RCAN2: variants seen among roughly 807,000 people sequenced by gnomAD.
The protein encoded by RCAN2 is calcipressin-2.
Under a neutral mutation model 23.6 loss-of-function variants are expected in RCAN2, and 9 were observed. The ratio of observed to expected loss-of-function variants is 0.38; its 90% CI spans 0.23 to 0.67. The LOEUF (loss-of-function observed/expected upper bound fraction) is 0.67, where lower values mean the gene tolerates loss of function less well. RCAN2 is among the 30% of genes least tolerant of loss of function. The probability of loss-of-function intolerance (pLI) is 0.51; values close to 1 mark genes in which losing one functional copy is unlikely to be tolerated. For missense variants in RCAN2, 273 were observed against 302.3 expected, an observed-to-expected ratio of 0.90 and a Z score of 0.72; for synonymous variants, 109 against 115.7, an observed-to-expected ratio of 0.94 and a Z score of 0.37.
intron 2 of RCAN2, among the ~76,000 whole-genome samples, chr6:46,294,272 T>C (rs1762651554): frequency 6.6e-6 from 1 of 152,218 alleles, no homozygotes; most frequent in Admixed American, 6.5e-5. Context: ...AGAAATTTAA[T>C]TATTCATTTA....
intron 2 of RCAN2, among the ~76,000 whole-genome samples, chr6:46,310,907 G>A (rs1310236370): frequency 6.6e-6 from 1 of 152,178 alleles, no homozygotes; most frequent in Non-Finnish European, 1.5e-5. Flanking sequence ...TAGCAGAACT[G>A]CTGTGTCTTT....
At chr6:46,244,954 A>C (rs906947430) in intron 4 of RCAN2, among the ~76,000 whole-genome samples, 1 of 152,216 alleles carries the variant, frequency 6.6e-6, no homozygotes, top group African/African-American at 2.4e-5. Context: ...TTGTTTCTGC[A>C]ATGTCCTGAA....
chr6:46,299,411 A>G (rs2150350078), intron 2 of RCAN2, among the ~76,000 whole-genome samples: 1 of 152,126 alleles, frequency 6.6e-6, no homozygotes, highest in East Asian at 1.9e-4. Context: ...AGCAGAGATG[A>G]CTGATTTATG....
intron 2 of RCAN2, among the ~76,000 whole-genome samples, chr6:46,405,598 C>A (rs899152447): frequency 2.6e-5 from 4 of 152,222 alleles, no homozygotes; most frequent in African/African-American, 9.6e-5. Flanking sequence ...GGTGCACTCA[C>A]AAACCTTGAG....
chr6:46,457,498 G>A (rs1384522589), intron 1 of RCAN2, among the ~76,000 whole-genome samples: 3 of 152,182 alleles, frequency 2.0e-5, no homozygotes, highest in Admixed American at 1.3e-4. Context: ...AGGGAAACTG[G>A]CACCAGAGCT....
intron 2 of RCAN2, among the ~76,000 whole-genome samples, chr6:46,380,045 G>C (rs1476917084): frequency 6.6e-6 from 1 of 152,138 alleles, no homozygotes; most frequent in Non-Finnish European, 1.5e-5. Context: ...GTTTTTTGCA[G>C]CATCAAAAGC....
At chr6:46,344,638 G>A (rs1053927084) in intron 2 of RCAN2, among the ~76,000 whole-genome samples, 1 of 151,896 alleles carries the variant, frequency 6.6e-6, no homozygotes, top group Non-Finnish European at 1.5e-5. Flanking sequence ...TTAGTTTAAG[G>A]CATACTATAA....
At chr6:46,417,054 G>T (rs1561897215) in intron 2 of RCAN2, among the ~76,000 whole-genome samples, 1 of 152,150 alleles carries the variant, frequency 6.6e-6, no homozygotes, top group Non-Finnish European at 1.5e-5. Flanking sequence ...TCACTGTGAT[G>T]AATATGTTTG....
At chr6:46,404,746 G>T (rs1020810669) in intron 2 of RCAN2, among the ~76,000 whole-genome samples, 7 of 152,162 alleles carry the variant, frequency 4.6e-5, no homozygotes, top group Non-Finnish European at 8.8e-5. Flanking sequence ...AGAAATGGAG[G>T]TCAGAGTCCA....
intron 2 of RCAN2, among the ~76,000 whole-genome samples, chr6:46,277,639 T>C (rs1225273647): frequency 1.3e-5 from 2 of 152,010 alleles, no homozygotes; most frequent in African/African-American, 4.8e-5. Context: ...TTTTTTTTGG[T>C]CTATAAAGAA....
At chr6:46,370,290 C>T (rs535288472) in intron 2 of RCAN2, among the ~76,000 whole-genome samples, 73 of 152,276 alleles carry the variant, frequency 4.8e-4, no homozygotes, top group African/African-American at 1.7e-3. Context: ...CATTCAGACT[C>T]CTTCCCTTGT....
At chr6:46,295,292 A>G (rs1387985905) in intron 2 of RCAN2, among the ~76,000 whole-genome samples, 1 of 152,150 alleles carries the variant, frequency 6.6e-6, no homozygotes, top group African/African-American at 2.4e-5. Context: ...TGAGACAGAG[A>G]CAGAAGCCAT....
intron 2 of RCAN2, among the ~76,000 whole-genome samples, chr6:46,252,317 A>C (rs928395397): frequency 1.3e-5 from 2 of 152,218 alleles, no homozygotes; most frequent in African/African-American, 2.4e-5. Context: ...CCAGGGACAC[A>C]ATAATATTTT....
At chr6:46,278,520 C>T (rs1247072952) in intron 2 of RCAN2, among the ~76,000 whole-genome samples, 1 of 152,124 alleles carries the variant, frequency 6.6e-6, no homozygotes, top group Admixed American at 6.5e-5. Context: ...TCTATAACTG[C>T]TGTACAATTA....
chr6:46,339,550 G>A (rs1002497251), intron 2 of RCAN2, among the ~76,000 whole-genome samples: 1 of 152,110 alleles, frequency 6.6e-6, no homozygotes, highest in Non-Finnish European at 1.5e-5. Context: ...GGGAAGCTAT[G>A]GGGAAGCAGC....
chr6:46,271,515 A>T (rs1248743181), intron 2 of RCAN2, among the ~76,000 whole-genome samples: 1 of 152,216 alleles, frequency 6.6e-6, no homozygotes, highest in Non-Finnish European at 1.5e-5. Flanking sequence ...GGCACTGCCA[A>T]GTTGACACAT....
intron 2 of RCAN2, among the ~76,000 whole-genome samples, chr6:46,377,962 G>A (rs748163209): frequency 2.0e-5 from 3 of 152,096 alleles, no homozygotes; most frequent in South Asian, 2.1e-4. Flanking sequence ...AGGATTAAAA[G>A]GTCACTACAA....
Position 46,247,346 on chromosome 6 carries a change from A to G in RCAN2, c.400-427T>C, listed in dbSNP as rs139888342. On this transcript the variant is annotated intron_variant, in intron 3 of 4. Transcript: ENST00000371374. ...TCCTTCCTTCCTTGGTGAAATTCAC[A>G]TAACATAAAATTAACCACTTGAAAG... is the stretch of plus-strand genomic sequence containing the variant. Among the ~76,000 whole-genome samples the G allele has an allele frequency of 2.9e-3, 441 of 152,320 alleles. 3 individuals are homozygous for G. Among genetic ancestry groups the G allele is most frequent in the African/African-American group, 1.0e-2 (414 of 41,576 alleles).
At chr6:46,337,958 A>G (rs1764193860) in intron 2 of RCAN2, among the ~76,000 whole-genome samples, 1 of 152,174 alleles carries the variant, frequency 6.6e-6, no homozygotes. Flanking sequence ...GAGGAGTGGT[A>G]TCAGTTTTCC....
Sources: allele counts gnomAD v4.1 joint callset (sites outside exome capture counted in the v4.1 genomes callset), GRCh38; gene constraint gnomAD v4.1.1; transcripts MANE v1.5; gene names NCBI Gene and HGNC (gene_info 2026-07-23, HGNC 2026-07-21).